MCTP1: variants seen among roughly 807,000 people sequenced by gnomAD.
MCTP1 encodes the protein multiple C2 and transmembrane domain-containing protein 1.
A neutral mutation model predicts 120.6 loss-of-function variants in MCTP1; 69 were observed. The ratio of observed to expected loss-of-function variants is 0.57; its 90% CI spans 0.47 to 0.70. MCTP1 has a LOEUF of 0.70. Among genes scored for constraint, MCTP1 ranks in the 30% least tolerant of loss-of-function variants. The probability of loss-of-function intolerance (pLI) is 0.00; values close to 1 mark genes in which losing one functional copy is unlikely to be tolerated. For synonymous variants in MCTP1, 529 were observed against 493.1 expected (o/e 1.07, Z -0.96); for missense variants, 1,203 against 1,248.8 (o/e 0.96, Z 0.55).
chr5:95,015,930 T>G (rs984056432), intron 2 of MCTP1, among the ~76,000 whole-genome samples: 1 of 152,116 alleles, frequency 6.6e-6, no homozygotes, highest in African/African-American at 2.4e-5. Context: ...CTGTTTTAGA[T>G]TGAATGATAT....
chr5:94,913,259 A>G (rs1182649295), intron 8 of MCTP1, among the ~76,000 whole-genome samples: 1 of 152,214 alleles, frequency 6.6e-6, no homozygotes, highest in Non-Finnish European at 1.5e-5. Flanking sequence ...CAAGAATATC[A>G]GAGAATATTT....
intron 7 of MCTP1, 99 bp from the exon 8 acceptor site, chr5:94,918,072 T>A: frequency 3.4e-6 from 3 of 872,400 alleles, no homozygotes; most frequent in Non-Finnish European, 5.5e-6. Context: ...CAGAAAACAT[T>A]ATTTGAGAAA....
intron 12 of MCTP1, among the ~76,000 whole-genome samples, chr5:94,879,685 C>T (rs1799646405): frequency 6.6e-6 from 1 of 151,860 alleles, no homozygotes; most frequent in Non-Finnish European, 1.5e-5. Flanking sequence ...GATTATGTAG[C>T]CCTTGGAAAA....
At chr5:94,947,967 A>T (rs1340925177) in intron 3 of MCTP1, among the ~76,000 whole-genome samples, 1 of 151,982 alleles carries the variant, frequency 6.6e-6, no homozygotes, top group Non-Finnish European at 1.5e-5. Flanking sequence ...ATCTCATGAG[A>T]TCATATAATG....
At chr5:94,941,430 T>C (rs1276814621) in intron 4 of MCTP1, among the ~76,000 whole-genome samples, 1 of 152,052 alleles carries the variant, frequency 6.6e-6, no homozygotes, top group East Asian at 1.9e-4. Context: ...CAATAAGCCA[T>C]TGTGCTCAAA....
chr5:95,131,082 G>A (rs1030560253), intron 1 of MCTP1, among the ~76,000 whole-genome samples: 10 of 152,104 alleles, frequency 6.6e-5, no homozygotes, highest in East Asian at 1.9e-4. Context: ...GGCCAATGTC[G>A]CTGTCCATCA....
chr5:94,855,260 G>A (rs1270021172), intron 17 of MCTP1, among the ~76,000 whole-genome samples: 2 of 151,784 alleles, frequency 1.3e-5, no homozygotes, highest in African/African-American at 4.8e-5. Context: ...TAAAGTTACA[G>A]CAAATTTGTT....
chr5:95,077,574 G>A (rs1753888372), intron 1 of MCTP1, among the ~76,000 whole-genome samples: 1 of 151,804 alleles, frequency 6.6e-6, no homozygotes, highest in African/African-American at 2.4e-5. Context: ...CTGGGTTCAC[G>A]CCATTCTCCT....
At chr5:95,159,147 T>C (rs1434734462) in intron 1 of MCTP1, among the ~76,000 whole-genome samples, 1 of 152,136 alleles carries the variant, frequency 6.6e-6, no homozygotes, top group Admixed American at 6.5e-5. Context: ...TTGTAAAGGG[T>C]TGTCAACTCT....
chr5:94,818,609 T>C (rs1026511213), intron 17 of MCTP1, among the ~76,000 whole-genome samples: 1 of 152,224 alleles, frequency 6.6e-6, no homozygotes, highest in Non-Finnish European at 1.5e-5. Flanking sequence ...CTCCTTCTGA[T>C]AGCTGTGATG....
chr5:95,011,519 A>G (rs1174194597), intron 2 of MCTP1, among the ~76,000 whole-genome samples: 3 of 152,206 alleles, frequency 2.0e-5, no homozygotes, highest in Middle Eastern at 3.4e-3. Flanking sequence ...AGGTGACTCG[A>G]TCACGGGGGC....
At chr5:94,896,746 T>C (rs770319906) in intron 10 of MCTP1, among the ~76,000 whole-genome samples, 4 of 152,222 alleles carry the variant, frequency 2.6e-5, no homozygotes, top group African/African-American at 7.2e-5. Flanking sequence ...ACAGGGTAAA[T>C]GTCCTCTGAA....
intron 1 of MCTP1, among the ~76,000 whole-genome samples, chr5:95,100,634 T>C (rs1208421293): frequency 2.0e-5 from 3 of 152,238 alleles, no homozygotes; most frequent in Admixed American, 2.0e-4. Context: ...GCATTATCCC[T>C]GACACTTCTG....
chr5:94,897,824 T>A (rs930604574), intron 10 of MCTP1, among the ~76,000 whole-genome samples: 14 of 152,142 alleles, frequency 9.2e-5, no homozygotes, highest in African/African-American at 3.4e-4. Context: ...ATCTTCTCCC[T>A]CCTCCCAAAC....
intron 19 of MCTP1, among the ~76,000 whole-genome samples, chr5:94,732,811 G>A (rs1305877198): frequency 1.3e-5 from 2 of 152,126 alleles, no homozygotes; most frequent in Non-Finnish European, 2.9e-5. Context: ...CCAGAGTCTC[G>A]ATCTTGGACT....
At chr5:95,238,935 G>A (rs896356917) in intron 1 of MCTP1, among the ~76,000 whole-genome samples, 2 of 152,160 alleles carry the variant, frequency 1.3e-5, no homozygotes, top group African/African-American at 4.8e-5. Flanking sequence ...GGGGAGAGAT[G>A]AATGGCATCC....
chr5:94,961,200 C>T (rs1436191698), intron 2 of MCTP1, among the ~76,000 whole-genome samples: 1 of 149,622 alleles, frequency 6.7e-6, no homozygotes, highest in Non-Finnish European at 1.5e-5. Flanking sequence ...CATGTTCTCA[C>T]TCATAAGTGG....
chr5:95,230,177 T>C (rs1160654709), intron 1 of MCTP1, among the ~76,000 whole-genome samples: 1 of 113,768 alleles, frequency 8.8e-6, no homozygotes, highest in African/African-American at 3.1e-5. Flanking sequence ...CATATACACA[T>C]ACATATATGT....
At chr5:95,103,049 G>A (rs1756851436) in intron 1 of MCTP1, among the ~76,000 whole-genome samples, 1 of 152,068 alleles carries the variant, frequency 6.6e-6, no homozygotes, top group African/African-American at 2.4e-5. Flanking sequence ...AATAATCTAT[G>A]TAAAGTGTTA....
Sources: gnomAD v4.1 joint callset for allele counts (sites outside exome capture counted in the v4.1 genomes callset) on GRCh38, gnomAD v4.1.1 for gene constraint, MANE v1.5 for transcripts, NCBI Gene and HGNC (gene_info 2026-07-23, HGNC 2026-07-21) for gene names.